ADAMTSL1: variants seen among roughly 807,000 people sequenced by gnomAD.
The protein encoded by ADAMTSL1 is ADAMTS-like protein 1.
ADAMTSL1 carries 126 observed loss-of-function variants against 201.8 expected under a neutral mutation model. The ratio of observed to expected loss-of-function variants is 0.62; its 90% CI spans 0.54 to 0.72. ADAMTSL1 has a LOEUF of 0.72. Ranked by LOEUF, ADAMTSL1 falls within the 30% of genes least tolerant of loss-of-function variation. ADAMTSL1 has a pLI of 0.00. For synonymous variants in ADAMTSL1, 1,121 were observed against 903.4 expected (o/e 1.24, Z -4.32); for missense variants, 2,679 against 2,277.8 (o/e 1.18, Z -3.59).
intron 1 of ADAMTSL1, among the ~76,000 whole-genome samples, chr9:18,006,621 G>A (rs2131545844): frequency 6.6e-6 from 1 of 152,064 alleles, no homozygotes; most frequent in East Asian, 1.9e-4. Context: ...TATATCCCAT[G>A]GTCTCTCTTG....
At chr9:18,696,696 A>G (rs1166750499) in intron 13 of ADAMTSL1, among the ~76,000 whole-genome samples, 2 of 152,146 alleles carry the variant, frequency 1.3e-5, no homozygotes. Flanking sequence ...CCAGCCTGCC[A>G]GAGTTCAAGT....
intron 2 of ADAMTSL1, among the ~76,000 whole-genome samples, chr9:18,321,649 C>T (rs1017522380): frequency 6.6e-6 from 1 of 151,986 alleles, no homozygotes; most frequent in African/African-American, 2.4e-5. Context: ...AAAAATTAGC[C>T]GGGCGTGGCA....
intron 2 of ADAMTSL1, among the ~76,000 whole-genome samples, chr9:18,383,327 C>A (rs1214904862): frequency 6.6e-6 from 1 of 152,078 alleles, no homozygotes; most frequent in Non-Finnish European, 1.5e-5. Context: ...AGGACACTGT[C>A]ACCCCGGGTT....
chr9:18,598,706 C>T (rs1824430043), intron 4 of ADAMTSL1, among the ~76,000 whole-genome samples: 1 of 152,114 alleles, frequency 6.6e-6, no homozygotes, highest in East Asian at 1.9e-4. Flanking sequence ...ATGCCGAGTG[C>T]AAACCCACTG....
intron 1 of ADAMTSL1, among the ~76,000 whole-genome samples, chr9:18,493,302 A>G (rs1237296770): frequency 6.6e-6 from 1 of 152,202 alleles, no homozygotes; most frequent in Non-Finnish European, 1.5e-5. Context: ...ATGGTTATCT[A>G]TGTATTGTAC....
intron 2 of ADAMTSL1, among the ~76,000 whole-genome samples, chr9:18,278,932 G>C (rs547085322): frequency 3.5e-4 from 52 of 149,934 alleles, no homozygotes; most frequent in Admixed American, 1.7e-3. Flanking sequence ...TTTTTCTTCT[G>C]TTTCATCAAG....
chr9:17,970,290 C>G (rs1376027482), intron 1 of ADAMTSL1, among the ~76,000 whole-genome samples: 2 of 152,050 alleles, frequency 1.3e-5, no homozygotes, highest in Non-Finnish European at 2.9e-5. Context: ...CTCAAAACTA[C>G]CCCCTCCTAT....
At chr9:18,842,393 G>C (rs572223084) in intron 23 of ADAMTSL1, among the ~76,000 whole-genome samples, 10 of 152,246 alleles carry the variant, frequency 6.6e-5, no homozygotes, top group African/African-American at 1.9e-4. Context: ...TTGCACTGTG[G>C]TCTGAGGGAC....
intron 2 of ADAMTSL1, among the ~76,000 whole-genome samples, chr9:18,366,962 C>A (rs962809030): frequency 2.6e-5 from 4 of 152,144 alleles, no homozygotes; most frequent in African/African-American, 9.7e-5. Context: ...TTATCTCTTA[C>A]TCTTTTTGTC....
chr9:18,338,179 G>A (rs995962598), intron 2 of ADAMTSL1, among the ~76,000 whole-genome samples: 3 of 152,022 alleles, frequency 2.0e-5, no homozygotes, highest in Admixed American at 6.6e-5. Context: ...ATAGTGAACT[G>A]TTTTTTAAAT....
chr9:18,466,419 A>G (rs1169637574), intron 2 of ADAMTSL1, among the ~76,000 whole-genome samples: 2 of 152,138 alleles, frequency 1.3e-5, no homozygotes, highest in Non-Finnish European at 2.9e-5. Context: ...TCTTTTCAAA[A>G]GAAAGGCTCA....
chr9:18,451,867 G>A (rs1820420193), intron 2 of ADAMTSL1, among the ~76,000 whole-genome samples: 1 of 152,230 alleles, frequency 6.6e-6, no homozygotes, highest in Non-Finnish European at 1.5e-5. Context: ...GGTGGAAGAT[G>A]CAAAGGCAAG....
At chr9:18,218,109 G>T (rs570925750) in intron 2 of ADAMTSL1, among the ~76,000 whole-genome samples, 3 of 152,282 alleles carry the variant, frequency 2.0e-5, no homozygotes, top group African/African-American at 7.2e-5. Context: ...TGCTTGCTTA[G>T]TATAAGTGGA....
chr9:18,820,849 C>T (rs1227572885), intron 21 of ADAMTSL1, among the ~76,000 whole-genome samples: 5 of 152,078 alleles, frequency 3.3e-5, no homozygotes, highest in Non-Finnish European at 4.4e-5. Flanking sequence ...AAAACTGAGT[C>T]GGCGATAAAG....
At chr9:18,202,182 A>C (rs1587298780) in intron 2 of ADAMTSL1, among the ~76,000 whole-genome samples, 1 of 152,180 alleles carries the variant, frequency 6.6e-6, no homozygotes, top group Admixed American at 6.6e-5. Flanking sequence ...AAAAATCGTT[A>C]GTGTAAAGTC....
intron 4 of ADAMTSL1, among the ~76,000 whole-genome samples, chr9:18,575,815 G>A (rs910706101): frequency 6.6e-6 from 1 of 152,168 alleles, no homozygotes; most frequent in Non-Finnish European, 1.5e-5. Flanking sequence ...CATCTCCTGA[G>A]ATCCCATTCA....
intron 1 of ADAMTSL1, among the ~76,000 whole-genome samples, chr9:17,921,099 AT>A (rs1826280833): frequency 6.6e-6 from 1 of 152,130 alleles, no homozygotes; most frequent in Admixed American, 6.5e-5. Context: ...TAAAACTCCT[AT>A]TAGTTATTTG....
At chr9:18,854,221 C>T (rs972146327) in intron 23 of ADAMTSL1, among the ~76,000 whole-genome samples, 1 of 152,062 alleles carries the variant, frequency 6.6e-6, no homozygotes, top group Non-Finnish European at 1.5e-5. Flanking sequence ...GAAATCATCC[C>T]TAACACACAT....
chr9:17,994,410 C>A (rs1377245100), intron 1 of ADAMTSL1, among the ~76,000 whole-genome samples: 2 of 152,068 alleles, frequency 1.3e-5, no homozygotes, highest in Non-Finnish European at 2.9e-5. Flanking sequence ...CATTTAAAGA[C>A]ACACTGATGA....
Sources: gnomAD v4.1 joint callset for allele counts (sites outside exome capture counted in the v4.1 genomes callset) on GRCh38, gnomAD v4.1.1 for gene constraint, MANE v1.5 for transcripts, NCBI Gene and HGNC (gene_info 2026-07-23, HGNC 2026-07-21) for gene names.